Variants in SC5D observed in about 807,000 individuals in gnomAD.
The protein encoded by SC5D is lathosterol oxidase.
SC5D carries 21 observed loss-of-function variants against 23.9 expected under a neutral mutation model. That is an observed-to-expected ratio of 0.88 (90% CI 0.62 to 1.26). SC5D has a LOEUF of 1.26. SC5D is among the 50% of genes most tolerant of loss of function. The pLI, the probability that SC5D is intolerant of heterozygous loss-of-function variation, is 0.00. For missense variants in SC5D, 309 were observed against 364.8 expected, an observed-to-expected ratio of 0.85 and a Z score of 1.25; for synonymous variants, 113 against 125.9, an observed-to-expected ratio of 0.90 and a Z score of 0.68.
Position 121,307,835 on chromosome 11 carries a change from C to A in SC5D, c.*323C>A. 1 of 234,774 alleles carries A rather than the reference C, an allele frequency of 4.3e-6. No individual in the cohort carries two copies. Among genetic ancestry groups the A allele is most frequent in the Non-Finnish European group, 8.3e-6 (1 of 119,774 alleles). 14.5% of individuals were successfully genotyped at this position (234,774 alleles called of 1,614,324 possible). Reference sequence around the variant, plus strand: ...GATGGAGAATAAATTATTGAGGGGACTAGGCTATATGCATTTGCCTTCATC... The same window carrying A: ...GATGGAGAATAAATTATTGAGGGGAATAGGCTATATGCATTTGCCTTCATC... On this transcript the variant is annotated 3_prime_UTR_variant, in exon 5 of 5. Transcript: ENST00000264027.
At chr11:121,303,003 C>T (rs1460333086) in intron 1 of SC5D, among the ~76,000 whole-genome samples, 1 of 152,178 alleles carries the variant, frequency 6.6e-6, no homozygotes, top group Non-Finnish European at 1.5e-5. Flanking sequence ...TGTCTGAGTA[C>T]CTAGTCCCCT....
At chr11:121,293,983 G>A (rs1162123830) in intron 1 of SC5D, among the ~76,000 whole-genome samples, 1 of 152,188 alleles carries the variant, frequency 6.6e-6, no homozygotes, top group Admixed American at 6.5e-5. Flanking sequence ...AAAGTGGGGA[G>A]CATAGAAGTA....
At chr11:121,304,903 C>A (rs1947953070) in intron 3 of SC5D, 1 of 222,008 alleles carries the variant, frequency 4.5e-6, no homozygotes, top group African/African-American at 2.3e-5. Context: ...TTTTCTGTGC[C>A]TGTATACTTC....
intron 1 of SC5D, among the ~76,000 whole-genome samples, chr11:121,301,144 ACT>A (rs1211590829): frequency 1.3e-5 from 2 of 152,068 alleles, no homozygotes; most frequent in Non-Finnish European, 1.5e-5. Context: ...GTCAGTAGAA[ACT>A]CTCTCTCAGA....
chr11:121,302,775 A>G (rs1947934507), intron 1 of SC5D, among the ~76,000 whole-genome samples: 2 of 152,232 alleles, frequency 1.3e-5, no homozygotes, highest in Admixed American at 6.5e-5. Context: ...AGAGAAATAA[A>G]TGTATTCCAG....
intron 1 of SC5D, among the ~76,000 whole-genome samples, chr11:121,301,643 T>A (rs1947926811): frequency 2.0e-5 from 3 of 152,160 alleles, no homozygotes; most frequent in Admixed American, 2.0e-4. Flanking sequence ...GGGGTTTATT[T>A]TTGGGGTGCT....
In SC5D at chr11:121,309,828, G is replaced by C. The variant is rs1015980142; in HGVS notation, c.*2316G>C. Reference sequence around the variant, plus strand: ...GAAGTCAGAGAATATTTATGGAAGTGAGGACCCAAATTACCTTCTACAGAT... The same window carrying C: ...GAAGTCAGAGAATATTTATGGAAGTCAGGACCCAAATTACCTTCTACAGAT... On this transcript the variant is annotated 3_prime_UTR_variant, in exon 5 of 5. Transcript: ENST00000264027. Among the ~76,000 whole-genome samples the C allele has an allele frequency of 6.6e-6, 1 of 152,220 alleles. No individual in the cohort carries two copies. The highest frequency in any genetic ancestry group is 2.4e-5 in the African/African-American group (1 of 41,442).
Position 121,310,577 on chromosome 11 carries a change from C to T in SC5D, c.*3065C>T, listed in dbSNP as rs756525915. Among the ~76,000 whole-genome samples the T allele has an allele frequency of 2.1e-4, 32 of 151,992 alleles. No individual in the cohort carries two copies. The highest frequency in any genetic ancestry group is 3.8e-4 in the Non-Finnish European group (26 of 67,964). On this transcript the variant is annotated 3_prime_UTR_variant, in exon 5 of 5. Transcript: ENST00000264027. The stretch of plus-strand genomic sequence containing the variant: ...GGTTCACGCCATTCTCCTGCCTCAG[C>T]CTCCCGAGTAGCTGGGACTACAGGT...
chr11:121,304,770 G>C, intron 3 of SC5D: 1 of 321,042 alleles, frequency 3.1e-6, no homozygotes, highest in Non-Finnish European at 5.9e-6. Context: ...ATTAATTATT[G>C]AATTCAACCT....
intron 1 of SC5D, among the ~76,000 whole-genome samples, chr11:121,297,924 T>G (rs149727747): frequency 1.3e-5 from 2 of 152,286 alleles, no homozygotes; most frequent in African/African-American, 4.8e-5. Flanking sequence ...AATTGAAAAT[T>G]TACTTTCTAG....
intron 1 of SC5D, among the ~76,000 whole-genome samples, chr11:121,297,835 G>C (rs1422829637): frequency 2.0e-5 from 3 of 152,208 alleles, no homozygotes; most frequent in Non-Finnish European, 4.4e-5. Flanking sequence ...ACTGAAGGAT[G>C]TATTTAGTAT....
intron 1 of SC5D, among the ~76,000 whole-genome samples, chr11:121,298,153 C>G (rs552709191): frequency 9.9e-5 from 15 of 152,204 alleles, no homozygotes; most frequent in African/African-American, 3.1e-4. Context: ...GGCTGTGCAC[C>G]ACGCCCGGCT....
At chr11:121,299,224 G>T (rs1047154314) in intron 1 of SC5D, among the ~76,000 whole-genome samples, 2 of 152,178 alleles carry the variant, frequency 1.3e-5, no homozygotes, top group Admixed American at 6.5e-5. Context: ...CTTTTGAAAA[G>T]GTTATCTTGG....
chr11:121,299,354 C>T (rs940277337), intron 1 of SC5D, among the ~76,000 whole-genome samples: 8 of 152,136 alleles, frequency 5.3e-5, no homozygotes, highest in Admixed American at 3.3e-4. Flanking sequence ...ACATTTATTG[C>T]GTGTATGTAT....
chr11:121,306,229 A>G, intron 3 of SC5D, 157 bp from the exon 4 acceptor site: 1 of 636,924 alleles, frequency 1.6e-6, no homozygotes, highest in Non-Finnish European at 2.8e-6. Flanking sequence ...CAAGAAGCCA[A>G]GAGAGATTAG....
intron 1 of SC5D, among the ~76,000 whole-genome samples, chr11:121,294,622 A>G (rs1368787633): frequency 6.6e-6 from 1 of 152,134 alleles, no homozygotes; most frequent in Non-Finnish European, 1.5e-5. Flanking sequence ...AGTGGCACCT[A>G]TTTTATCTTC....
chr11:121,304,518 G>A (rs369361565), intron 3 of SC5D, 25 bp downstream of exon 3: 1 of 1,608,736 alleles, frequency 6.2e-7, no homozygotes, highest in African/African-American at 1.3e-5. Flanking sequence ...CGAGTGTCAG[G>A]AAGAGAGTAG....
chr11:121,306,355 T>A, intron 3 of SC5D, 31 bp from the exon 4 acceptor site: 1 of 1,149,872 alleles, frequency 8.7e-7, no homozygotes, highest in Admixed American at 1.7e-5. Flanking sequence ...AGCTGAGTTT[T>A]GATTCTTCTG....
intron 1 of SC5D, among the ~76,000 whole-genome samples, chr11:121,302,144 G>A (rs1947930462): frequency 6.6e-6 from 1 of 152,208 alleles, no homozygotes; most frequent in African/African-American, 2.4e-5. Flanking sequence ...AGGCTACAAA[G>A]AAGTAAATAA....
Sources: allele counts gnomAD v4.1 joint callset (sites outside exome capture counted in the v4.1 genomes callset), GRCh38; gene constraint gnomAD v4.1.1; transcripts MANE v1.5; gene names NCBI Gene and HGNC (gene_info 2026-07-23, HGNC 2026-07-21).